VPS41: variants seen among roughly 807,000 people sequenced by gnomAD.
The protein encoded by VPS41 is VPS41 subunit of HOPS complex.
Under a neutral mutation model 130.9 loss-of-function variants are expected in VPS41, and 85 were observed. The ratio of observed to expected loss-of-function variants is 0.65; its 90% confidence interval spans 0.55 to 0.78. The LOEUF is 0.78. Among genes scored for constraint, VPS41 ranks in the 30% least tolerant of loss-of-function variants. The pLI, the probability that VPS41 is intolerant of heterozygous loss-of-function variation, is 0.00. For synonymous variants in VPS41, 335 were observed against 332.9 expected, an observed-to-expected ratio of 1.01 and a Z score of -0.07; for missense variants, 874 against 1,018.7, an observed-to-expected ratio of 0.86 and a Z score of 1.93.
At chr7:38,897,964 G>T in intron 2 of VPS41, 127 bp downstream of exon 2, 1 of 698,454 alleles carries the variant, frequency 1.4e-6, no homozygotes, top group Non-Finnish European at 2.4e-6. Context: ...CTTCCCCAAG[G>T]CTTAGTTACC....
At chr7:38,830,136 A>G (rs765426611) in intron 5 of VPS41, 118 bp downstream of exon 5, 135 of 724,836 alleles carry the variant, frequency 1.9e-4, no homozygotes, top group African/African-American at 2.1e-4. Context: ...AGCAAGTTCA[A>G]TACTCAGAAA....
chr7:38,856,621 G>GGGAAGA lies in VPS41; in HGVS notation c.246+5918_246+5923dup, dbSNP rs746332196. Among the ~76,000 whole-genome samples, 6 of 152,198 alleles carry GGGAAGA rather than the reference G, an allele frequency of 3.9e-5. No individual in the cohort carries two copies. The East Asian group carries it at 1.2e-3, about 29-fold the overall frequency. On this transcript the variant is annotated intron_variant, in intron 4 of 28. Transcript: ENST00000310301. ...GGCAGCAGAGAAAAGAGAAAGGGTG[G>GGGAAGA]GGAAGAGGAGAGAAGTATACCAGGA...
chr7:38,887,079 A>C (rs532403277), intron 2 of VPS41, among the ~76,000 whole-genome samples: 2 of 152,216 alleles, frequency 1.3e-5, no homozygotes, highest in African/African-American at 4.8e-5. Context: ...GAGAAACCAG[A>C]GCAGAAAGGC....
chr7:38,829,608 A>G (rs1263531560), intron 5 of VPS41, among the ~76,000 whole-genome samples: 1 of 152,236 alleles, frequency 6.6e-6, no homozygotes, highest in Non-Finnish European at 1.5e-5. Flanking sequence ...TGGAAAATCA[A>G]TCACCACAAC....
At chr7:38,903,307 C>A (rs1787183905) in intron 1 of VPS41, among the ~76,000 whole-genome samples, 2 of 152,170 alleles carry the variant, frequency 1.3e-5, no homozygotes, top group African/African-American at 4.8e-5. Context: ...GCCCAGCTGG[C>A]CTCAGAGGTC....
intron 10 of VPS41, among the ~76,000 whole-genome samples, chr7:38,782,110 T>C (rs73368282): frequency 0.021 from 3,155 of 152,270 alleles, 121 homozygotes; most frequent in African/African-American, 0.071. Flanking sequence ...ACCTGTTTCT[T>C]TTGTTTCTAT....
At chr7:38,775,999 T>C (rs1223912926) in intron 11 of VPS41, among the ~76,000 whole-genome samples, 1 of 152,156 alleles carries the variant, frequency 6.6e-6, no homozygotes, top group Non-Finnish European at 1.5e-5. Flanking sequence ...GCAGGACCCC[T>C]GGACTCTCAT....
intron 17 of VPS41, 103 bp from the exon 18 acceptor site, chr7:38,758,584 A>T (rs1783852538): frequency 1.7e-6 from 2 of 1,158,110 alleles, no homozygotes; most frequent in African/African-American, 1.6e-5. Flanking sequence ...CCTGGCATAT[A>T]ACTCTCAAAA....
chr7:38,764,198 C>T (rs1459273248), intron 16 of VPS41, among the ~76,000 whole-genome samples: 1 of 152,162 alleles, frequency 6.6e-6, no homozygotes, highest in African/African-American at 2.4e-5. Context: ...ACAGAGGGGT[C>T]AGCACAGTGC....
chr7:38,790,381 T>C (rs928289883), intron 9 of VPS41, among the ~76,000 whole-genome samples: 1 of 152,228 alleles, frequency 6.6e-6, no homozygotes, highest in African/African-American at 2.4e-5. Flanking sequence ...TTAAAGATTC[T>C]TCTACAACAT....
chr7:38,817,793 A>G, intron 7 of VPS41, 24 bp downstream of exon 7: 1 of 1,602,560 alleles, frequency 6.2e-7, no homozygotes, highest in South Asian at 1.1e-5. Context: ...GCTACATATC[A>G]AGGTAGAGAC....
chr7:38,881,366 C>T, intron 2 of VPS41, among the ~76,000 whole-genome samples: 1 of 152,168 alleles, frequency 6.6e-6, no homozygotes, highest in Non-Finnish European at 1.5e-5. Flanking sequence ...TACAAAGACC[C>T]TTAGGATTAT....
intron 7 of VPS41, among the ~76,000 whole-genome samples, chr7:38,812,649 A>G (rs1182571453): frequency 1.3e-5 from 2 of 152,170 alleles, no homozygotes; most frequent in African/African-American, 4.8e-5. Flanking sequence ...TGTATCTGAT[A>G]AGGAATATCT....
chr7:38,868,544 A>G (rs1004997710), intron 3 of VPS41, among the ~76,000 whole-genome samples: 6 of 152,298 alleles, frequency 3.9e-5, no homozygotes, highest in African/African-American at 7.2e-5. Context: ...CTGCCCCCCA[A>G]TATTCTGACT....
chr7:38,890,618 A>G (rs144464537), intron 2 of VPS41, among the ~76,000 whole-genome samples: 2 of 152,320 alleles, frequency 1.3e-5, no homozygotes, highest in Admixed American at 6.5e-5. Context: ...ATATTGTACT[A>G]GAGTTACGTA....
chr7:38,897,783 G>A (rs1163368058), intron 2 of VPS41, among the ~76,000 whole-genome samples: 2 of 152,190 alleles, frequency 1.3e-5, no homozygotes, highest in African/African-American at 2.4e-5. Context: ...AAAAGCAGGT[G>A]AGGGGGATGT....
intron 2 of VPS41, among the ~76,000 whole-genome samples, chr7:38,882,362 T>C (rs1786630746): frequency 6.6e-6 from 1 of 152,200 alleles, no homozygotes; most frequent in African/African-American, 2.4e-5. Flanking sequence ...TTTGCTGATT[T>C]CCCTTCATCT....
chr7:38,779,913 C>T (rs777707625), intron 10 of VPS41, among the ~76,000 whole-genome samples: 27 of 152,058 alleles, frequency 1.8e-4, no homozygotes, highest in African/African-American at 4.6e-4. Flanking sequence ...TTTCAGTGGA[C>T]GAATGGAAGT....
chr7:38,815,372 C>T (rs558249699), intron 7 of VPS41, among the ~76,000 whole-genome samples: 16 of 151,978 alleles, frequency 1.1e-4, no homozygotes, highest in South Asian at 6.3e-4. Context: ...TGCAGTGAGC[C>T]GAGATCATGC....
Sources: gnomAD v4.1 joint callset for allele counts (sites outside exome capture counted in the v4.1 genomes callset) on GRCh38, gnomAD v4.1.1 for gene constraint, MANE v1.5 for transcripts, NCBI Gene and HGNC (gene_info 2026-07-23, HGNC 2026-07-21) for gene names.